Variants in FGF13 observed in about 807,000 individuals in gnomAD.
The protein encoded by FGF13 is fibroblast growth factor 13.
A neutral mutation model predicts 19.5 loss-of-function variants in FGF13; 2 were observed. That is an observed-to-expected ratio of 0.10 (90% CI 0.04 to 0.32). FGF13 has a LOEUF of 0.32. Ranked by LOEUF, FGF13 falls within the 10% of genes least tolerant of loss-of-function variation. FGF13 has a pLI of 1.00. For missense variants in FGF13, 113 were observed against 192.7 expected (o/e 0.59, Z 2.45); for synonymous variants, 72 against 76.9 (o/e 0.94, Z 0.33).
chrX:138,998,013 AG>A (rs1240866462), intron 1 of FGF13, among the ~76,000 whole-genome samples: 3 of 111,891 alleles, frequency 2.7e-5, no homozygotes, highest in African/African-American at 9.8e-5. Context: ...AAGCCAGAAG[AG>A]GGGGGGCCAA....
chrX:139,172,284 A>G (rs2084139860), intron 1 of FGF13, among the ~76,000 whole-genome samples: 3 of 111,894 alleles, frequency 2.7e-5, no homozygotes. Flanking sequence ...ATAGCTCTTG[A>G]GCTATTCCTG....
In FGF13 at chrX:138,945,189, G is replaced by T. The variant is rs138472280; in HGVS notation, c.-112-80539C>A. Among the ~76,000 whole-genome samples the T allele has an allele frequency of 9.4e-3, 1,045 of 110,961 alleles. 13 individuals carry two copies. Among genetic ancestry groups the T allele is most frequent in the African/African-American group, 0.032 (968 of 30,540 alleles). On this transcript the variant is annotated intron_variant, in intron 1 of 2. Transcript: ENST00000421460. ...TGATAGACATGTAGTATAATGGAGG[G>T]CTTGAATTTTTGTTTCCTACATCTT...
At chrX:138,811,601 A>G (rs1193655496) in intron 3 of FGF13, among the ~76,000 whole-genome samples, 1 of 111,137 alleles carries the variant, frequency 9.0e-6, no homozygotes, top group South Asian at 3.9e-4. Context: ...TAATAATAAT[A>G]AAAAAGAATA....
In FGF13 at chrX:138,618,650, G is replaced by C. The variant is rs1345945360; in HGVS notation, c.*14200C>G. 2 of 111,408 alleles carry C rather than the reference G, an allele frequency of 1.8e-5. No individual in the cohort carries two copies. The highest frequency in any genetic ancestry group is 1.9e-4 in the Admixed American group (2 of 10,439). The allele number at this position is 111,408 out of a possible 1,213,427, so 9.2% of individuals were successfully genotyped here. ...CTCCCTCTCTCCTCTACCTTGGCTT[G>C]CTCCCTGCACACGGCCCAAACCCTG... On this transcript the variant is annotated 3_prime_UTR_variant, in exon 5 of 5. Transcript: ENST00000315930.
At chrX:139,192,956 TC>T (rs2084343595) in intron 1 of FGF13, among the ~76,000 whole-genome samples, 1 of 111,921 alleles carries the variant, frequency 8.9e-6, no homozygotes, top group Non-Finnish European at 1.9e-5. Flanking sequence ...AGTTATCTGT[TC>T]CGCTCACTGC....
chrX:139,161,619 T>C (rs970825371), intron 1 of FGF13, among the ~76,000 whole-genome samples: 1 of 112,160 alleles, frequency 8.9e-6, no homozygotes, highest in African/African-American at 3.2e-5. Flanking sequence ...TGTCTCTGTA[T>C]GCACATGACA....
intron 1 of FGF13, among the ~76,000 whole-genome samples, chrX:138,944,810 A>G (rs1339286156): frequency 9.0e-6 from 1 of 111,162 alleles, no homozygotes; most frequent in East Asian, 2.8e-4. Context: ...TAGATATTAA[A>G]TTTTTTTTAG....
At chrX:138,749,447 C>T (rs1255217409) in intron 3 of FGF13, among the ~76,000 whole-genome samples, 1 of 110,407 alleles carries the variant, frequency 9.1e-6, no homozygotes, top group African/African-American at 3.3e-5. Context: ...CACAGGGGGG[C>T]GGGTACCCAT....
intron 1 of FGF13, among the ~76,000 whole-genome samples, chrX:138,899,030 C>T (rs760159264): frequency 6.3e-5 from 7 of 111,712 alleles, no homozygotes; most frequent in African/African-American, 2.3e-4. Flanking sequence ...TGCTCCATCA[C>T]GATTCCAGCC....
At chrX:139,077,217 C>T (rs1017104052) in intron 1 of FGF13, among the ~76,000 whole-genome samples, 2 of 111,632 alleles carry the variant, frequency 1.8e-5, no homozygotes, top group African/African-American at 3.3e-5. Flanking sequence ...CCCTTGGTAG[C>T]ATTCAATAAA....
At chrX:139,033,058 A>C (rs1174148697) in intron 1 of FGF13, among the ~76,000 whole-genome samples, 1 of 96,901 alleles carries the variant, frequency 1.0e-5, no homozygotes, top group Non-Finnish European at 2.1e-5. Context: ...AAAAAAAACT[A>C]CAGCTCACAT....
chrX:138,934,912 G>GAAA lies in FGF13; in HGVS notation c.-112-70265_-112-70263dup, dbSNP rs11430051. Among the ~76,000 whole-genome samples the GAAA allele has an allele frequency of 3.6e-3, 363 of 102,084 alleles. 2 individuals are homozygous for GAAA. The highest frequency in any genetic ancestry group is 0.012 in the African/African-American group (346 of 28,088). 88.6% of individuals were successfully genotyped at this position (102,084 alleles called of 115,157 possible). A position where few individuals can be genotyped will look rare whatever the true frequency, so the allele number is the denominator to read the frequency against. ...CACATCCAGTAAGGAGAGGAGTTTGGAAAAAAAAAAAATACTATGCATATT... is the reference window on the plus strand; with the variant it reads ...CACATCCAGTAAGGAGAGGAGTTTGGAAAAAAAAAAAAAAATACTATGCATATT... On this transcript the variant is annotated intron_variant, in intron 1 of 2. Transcript: ENST00000421460.
chrX:138,869,951 T>C (rs1046994665), intron 1 of FGF13, among the ~76,000 whole-genome samples: 6 of 112,167 alleles, frequency 5.3e-5, no homozygotes, highest in Admixed American at 9.5e-5. Context: ...GAGAAGAATT[T>C]CAAAGCAAAT....
intron 3 of FGF13, among the ~76,000 whole-genome samples, chrX:138,833,139 C>T (rs71574825): frequency 1.1e-3 from 125 of 111,999 alleles, no homozygotes; most frequent in African/African-American, 3.0e-3. Context: ...ATTGCCTTGG[C>T]TATTCAAGAT....
intron 3 of FGF13, among the ~76,000 whole-genome samples, chrX:138,696,852 A>G (rs2089901411): frequency 8.9e-6 from 1 of 112,318 alleles, no homozygotes; most frequent in African/African-American, 3.2e-5. Context: ...AAGCATTCTA[A>G]GAATATTTAT....
chrX:138,949,852 T>C (rs1293990269), intron 1 of FGF13, among the ~76,000 whole-genome samples: 4 of 111,927 alleles, frequency 3.6e-5, no homozygotes, highest in Non-Finnish European at 5.6e-5. Context: ...ATAATTTGCA[T>C]TGGGAGAACA....
At chrX:138,931,885 G>GA (rs1223076170) in intron 1 of FGF13, among the ~76,000 whole-genome samples, 6 of 111,480 alleles carry the variant, frequency 5.4e-5, no homozygotes, top group Non-Finnish European at 1.1e-4. Context: ...ATATAAATAA[G>GA]AAAAAATGAC....
upstream of FGF13, among the ~76,000 whole-genome samples, chrX:138,742,783 C>A (rs1008998271): frequency 1.8e-5 from 2 of 112,064 alleles, no homozygotes; most frequent in Non-Finnish European, 1.9e-5. Flanking sequence ...GAGATTTAAT[C>A]ATTTCCTATT....
chrX:138,857,650 C>T, exon 3 of FGF13: 1 of 1,202,909 alleles, frequency 8.3e-7, no homozygotes, highest in African/African-American at 1.7e-5. Flanking sequence ...ATAATGTATT[C>T]CTGTGTGCCA....
Sources: allele counts gnomAD v4.1 joint callset (sites outside exome capture counted in the v4.1 genomes callset), GRCh38; gene constraint gnomAD v4.1.1; transcripts MANE v1.5; gene names NCBI Gene and HGNC (gene_info 2026-07-23, HGNC 2026-07-21).